Variants in HDAC9 observed in about 807,000 individuals in gnomAD.
The protein encoded by HDAC9 is histone deacetylase 9.
In HDAC9, 41 loss-of-function variants were observed where a neutral mutation model predicts 139.4. The ratio of observed to expected loss-of-function variants is 0.29; its 90% CI spans 0.23 to 0.38. HDAC9 has a LOEUF of 0.38. Ranked by LOEUF, HDAC9 falls within the 10% of genes least tolerant of loss-of-function variation. The pLI, the probability that HDAC9 is intolerant of heterozygous loss-of-function variation, is 1.00. For synonymous variants in HDAC9, 517 were observed against 476.2 expected (o/e 1.09, Z -1.12); for missense variants, 1,147 against 1,297.0 (o/e 0.88, Z 1.78).
At chr7:18,170,491 C>A (rs532016408) in intron 2 of HDAC9, among the ~76,000 whole-genome samples, 1 of 152,014 alleles carries the variant, frequency 6.6e-6, no homozygotes, top group African/African-American at 2.4e-5. Flanking sequence ...TTGTTGCTTT[C>A]GGTGTTTTAG....
chr7:18,275,593 G>C (rs965218091), intron 2 of HDAC9, among the ~76,000 whole-genome samples: 1 of 152,104 alleles, frequency 6.6e-6, no homozygotes, highest in Non-Finnish European at 1.5e-5. Context: ...TCGTTGAATT[G>C]CTGTGGTTGC....
At position 18,262,959 on chromosome 7, in the gene HDAC9, C is replaced by T. The variant is rs571433575; in HGVS notation, c.25+100610C>T. Among the ~76,000 whole-genome samples, 3 of 151,934 alleles carry T rather than the reference C, an allele frequency of 2.0e-5. 1 individual carries two copies. Among genetic ancestry groups the T allele is most frequent in the Admixed American group, 2.0e-4 (3 of 15,258 alleles). On this transcript the variant is annotated intron_variant, in intron 2 of 12. Transcript: ENST00000417496. Reference sequence around the variant, plus strand: ...AGAGAAAGAGAGGACAAAAAGACAGCATATAGAAAACAAATAACAAAATGG... The same window carrying T: ...AGAGAAAGAGAGGACAAAAAGACAGTATATAGAAAACAAATAACAAAATGG...
At chr7:18,399,858 G>C (rs1787378290) in intron 1 of HDAC9, among the ~76,000 whole-genome samples, 1 of 152,160 alleles carries the variant, frequency 6.6e-6, no homozygotes, top group Admixed American at 6.6e-5. Flanking sequence ...TGGCAAATCT[G>C]CTCCCAGCAA....
chr7:18,704,712 A>G (rs2129106989), intron 12 of HDAC9, among the ~76,000 whole-genome samples: 1 of 152,338 alleles, frequency 6.6e-6, no homozygotes, highest in South Asian at 2.1e-4. Flanking sequence ...TTGATTTTAA[A>G]CATCTGAGGA....
rs749265927 is a variant in HDAC9 at position 18,996,136 on chromosome 7, ATGTCT to A, written c.*80_*84del. On this transcript the variant is annotated 3_prime_UTR_variant, in exon 26 of 26. Coordinates refer to ENST00000686413, the MANE Select transcript of HDAC9 (RefSeq NM_178425.4). ...TCCCCCCACCCCAGTACCCTCAGAC[ATGTCT>A]TGTCTGCTGCCTGGGTGGCACAGAT... 1 of 1,134,412 alleles carries A rather than the reference ATGTCT, an allele frequency of 8.8e-7. No individual in the cohort carries two copies. The highest frequency in any genetic ancestry group is 1.3e-6 in the Non-Finnish European group (1 of 770,498). 70.3% of individuals were successfully genotyped at this position (1,134,412 alleles called of 1,614,324 possible). A position where few individuals can be genotyped will look rare whatever the true frequency, so the allele number is the denominator to read the frequency against.
At chr7:18,726,321 T>C (rs1785543116) in intron 12 of HDAC9, among the ~76,000 whole-genome samples, 1 of 152,174 alleles carries the variant, frequency 6.6e-6, no homozygotes. Context: ...GAGTATGACC[T>C]GTGATGGCAC....
intron 1 of HDAC9, among the ~76,000 whole-genome samples, chr7:18,105,776 A>G (rs1317918668): frequency 4.6e-5 from 7 of 152,184 alleles, no homozygotes; most frequent in Non-Finnish European, 8.8e-5. Flanking sequence ...AAAAATGTAT[A>G]TATGATTATT....
At chr7:18,992,976 G>C (rs1391414860) in intron 25 of HDAC9, among the ~76,000 whole-genome samples, 1 of 152,164 alleles carries the variant, frequency 6.6e-6, no homozygotes, top group Non-Finnish European at 1.5e-5. Flanking sequence ...TGTTAATCAA[G>C]GTGAAGTAGA....
At chr7:18,220,911 T>A (rs1217865646) in intron 2 of HDAC9, among the ~76,000 whole-genome samples, 1 of 152,188 alleles carries the variant, frequency 6.6e-6, no homozygotes. Context: ...TTTAGTAATG[T>A]TATCTTGTTC....
At chr7:18,764,864 A>C (rs923920232) in intron 15 of HDAC9, among the ~76,000 whole-genome samples, 2 of 152,134 alleles carry the variant, frequency 1.3e-5, no homozygotes, top group African/African-American at 4.8e-5. Context: ...GGTTTAAATA[A>C]AAGTTCAGTA....
chr7:18,369,743 G>A (rs1221673003), intron 1 of HDAC9, among the ~76,000 whole-genome samples: 1 of 152,062 alleles, frequency 6.6e-6, no homozygotes, highest in African/African-American at 2.4e-5. Context: ...CATGAAAAGT[G>A]TTTCAAGGTC....
chr7:18,557,610 A>G (rs1177847352), intron 2 of HDAC9, among the ~76,000 whole-genome samples: 1 of 150,006 alleles, frequency 6.7e-6, no homozygotes. Context: ...GGAATTTTTG[A>G]CCTTTTTTTC....
At chr7:18,425,833 G>A (rs1790067041) in intron 1 of HDAC9, among the ~76,000 whole-genome samples, 1 of 152,210 alleles carries the variant, frequency 6.6e-6, no homozygotes, top group African/African-American at 2.4e-5. Context: ...GCATATAGGT[G>A]AGATCATCAT....
chr7:18,786,614 CT>C (rs1791796756), intron 16 of HDAC9, among the ~76,000 whole-genome samples: 1 of 80,054 alleles, frequency 1.2e-5, no homozygotes, highest in Non-Finnish European at 2.6e-5. Flanking sequence ...TCCTTCCTTC[CT>C]TCCCTCCCTC....
At chr7:18,622,019 A>G (rs879409020) in intron 6 of HDAC9, among the ~76,000 whole-genome samples, 2 of 152,230 alleles carry the variant, frequency 1.3e-5, no homozygotes, top group Non-Finnish European at 2.9e-5. Flanking sequence ...CAGAAAGAAC[A>G]GAGAGTGAAT....
intron 1 of HDAC9, among the ~76,000 whole-genome samples, chr7:18,461,375 G>A (rs1793832670): frequency 6.6e-6 from 1 of 152,132 alleles, no homozygotes; most frequent in Admixed American, 6.5e-5. Flanking sequence ...TTTAGTGGAA[G>A]TGTTTATTGT....
chr7:18,611,524 G>A (rs964400392), intron 6 of HDAC9, among the ~76,000 whole-genome samples: 39 of 151,994 alleles, frequency 2.6e-4, no homozygotes, highest in South Asian at 6.2e-4. Context: ...GTCACAGAGA[G>A]GTTTACTAAC....
intron 21 of HDAC9, 103 bp from the exon 22 acceptor site, chr7:18,874,375 A>G (rs768041377): frequency 8.1e-5 from 48 of 592,124 alleles, no homozygotes; most frequent in Non-Finnish European, 1.4e-4. Flanking sequence ...CCTTTTCTTT[A>G]TTCTTGGGAG....
intron 2 of HDAC9, among the ~76,000 whole-genome samples, chr7:18,218,202 G>A (rs1353519165): frequency 6.6e-6 from 1 of 152,142 alleles, no homozygotes; most frequent in Non-Finnish European, 1.5e-5. Context: ...CTAGCAGTTT[G>A]GGAGGCTGAG....
Sources: allele counts gnomAD v4.1 joint callset (sites outside exome capture counted in the v4.1 genomes callset), GRCh38; gene constraint gnomAD v4.1.1; transcripts MANE v1.5; gene names NCBI Gene and HGNC (gene_info 2026-07-23, HGNC 2026-07-21).